Variants in UGT1A10 observed in about 807,000 individuals in gnomAD.
The protein encoded by UGT1A10 is UDP-glucuronosyltransferase 1A10.
A neutral mutation model predicts 45.8 loss-of-function variants in UGT1A10; 49 were observed. The ratio of observed to expected loss-of-function variants is 1.07; its 90% CI spans 0.85 to 1.36. UGT1A10 has a LOEUF of 1.36. Among genes scored for constraint, UGT1A10 ranks in the 40% most tolerant of loss-of-function variants. UGT1A10 has a pLI of 0.00. For missense variants in UGT1A10, 745 were observed against 668.6 expected (o/e 1.11, Z -1.26); for synonymous variants, 284 against 249.7 (o/e 1.14, Z -1.29).
intron 1 of UGT1A10, chr2:233,693,486 A>C: frequency 6.2e-7 from 1 of 1,614,088 alleles, no homozygotes; most frequent in Non-Finnish European, 8.5e-7. Flanking sequence ...ATCCTGGCTG[A>C]GTATTTGGGC....
chr2:233,762,332 G>A (rs1219389656), intron 1 of UGT1A10, among the ~76,000 whole-genome samples: 1 of 152,156 alleles, frequency 6.6e-6, no homozygotes, highest in Non-Finnish European at 1.5e-5. Flanking sequence ...ATCCACAATA[G>A]CTCTTTTTAG....
chr2:233,719,136 C>T (rs2076730014), intron 1 of UGT1A10: 26 of 1,614,246 alleles, frequency 1.6e-5, no homozygotes, highest in Non-Finnish European at 2.0e-5. Context: ...AACAGAACAT[C>T]TTCTGAAGAG....
chr2:233,647,464 T>C (rs768028814), intron 1 of UGT1A10, among the ~76,000 whole-genome samples: 1 of 152,248 alleles, frequency 6.6e-6, no homozygotes, highest in Admixed American at 6.5e-5. Context: ...ATTGGTATTA[T>C]TTCTTCCTTC....
intron 1 of UGT1A10, among the ~76,000 whole-genome samples, chr2:233,668,820 T>G (rs568469856): frequency 6.1e-4 from 93 of 152,262 alleles, no homozygotes; most frequent in Non-Finnish European, 9.8e-4. Flanking sequence ...GTCCTTGTTC[T>G]TTTCTGGGAT....
chr2:233,760,385 T>A (rs368348566), intron 1 of UGT1A10: 30 of 1,614,058 alleles, frequency 1.9e-5, no homozygotes, highest in Non-Finnish European at 2.5e-5. Flanking sequence ...ATACTGTTGA[T>A]CCCAGTGGAT....
In UGT1A10 at chr2:233,769,639, C is replaced by T; in HGVS notation, c.1295+1200C>T. 2.5e-6 allele frequency: 4 copies of T among 1,609,972 alleles called. No homozygotes were observed. The highest frequency in any genetic ancestry group is 1.3e-5 in the African/African-American group (1 of 75,022). The stretch of plus-strand genomic sequence containing the variant: ...TTGAGCAAGGGACAACAGGGGAGGA[C>T]TGATGACTGACTTCCCACCTTTGAG... On this transcript the variant is annotated intron_variant, in intron 4 of 4. Transcript: ENST00000344644. This position sits in a 1 kb window ranked among gnomAD's most constrained non-coding sequence, Gnocchi z 4.4.
intron 1 of UGT1A10, chr2:233,713,159 C>T (rs2076285726): frequency 1.9e-6 from 3 of 1,614,192 alleles, no homozygotes; most frequent in Middle Eastern, 1.7e-4. Flanking sequence ...CGAGAGGCCA[C>T]CAGGTGGTGG....
At chr2:233,720,301 T>C (rs1312639671) in intron 1 of UGT1A10, among the ~76,000 whole-genome samples, 1 of 151,768 alleles carries the variant, frequency 6.6e-6, no homozygotes, top group Non-Finnish European at 1.5e-5. Flanking sequence ...GAGTTGGGGG[T>C]CTGGTGTATG....
At chr2:233,677,389 C>T (rs545851604) in intron 1 of UGT1A10, among the ~76,000 whole-genome samples, 14 of 152,190 alleles carry the variant, frequency 9.2e-5, no homozygotes, top group Non-Finnish European at 1.3e-4. Context: ...GTAGAAAATC[C>T]GCATAGAACT....
At chr2:233,742,882 C>A (rs1692122938) in intron 1 of UGT1A10, 1 of 164,914 alleles carries the variant, frequency 6.1e-6, no homozygotes, top group Non-Finnish European at 1.3e-5. Flanking sequence ...ACCTGGCTCA[C>A]ACTTTCCCAA....
chr2:233,714,271 C>T (rs759852980), intron 1 of UGT1A10, among the ~76,000 whole-genome samples: 2 of 152,206 alleles, frequency 1.3e-5, no homozygotes, highest in African/African-American at 4.8e-5. Context: ...CAATTGTTGA[C>T]GTGACAATTT....
chr2:233,760,803 G>T lies in UGT1A10; in HGVS notation c.856-6231G>T, dbSNP rs748734877. 2.5e-6 allele frequency: 4 copies of T among 1,613,224 alleles called. No individual in the cohort carries two copies. The highest frequency in any genetic ancestry group is 3.3e-5 in the Admixed American group (2 of 59,970). ...TGTCTCTGCCCACTGTATTCTTCTT[G>T]CATGCACTGCCATGCAGCCTGGAAT... On this transcript the variant is annotated intron_variant, in intron 1 of 4. Transcript: ENST00000344644.
chr2:233,750,227 A>G (rs977533582), intron 1 of UGT1A10, among the ~76,000 whole-genome samples: 2 of 151,900 alleles, frequency 1.3e-5, no homozygotes, highest in African/African-American at 4.9e-5. Context: ...GAGATGAGGA[A>G]CTTATTGGGA....
chr2:233,757,265 C>T (rs1416331195), intron 1 of UGT1A10, among the ~76,000 whole-genome samples: 2 of 116,902 alleles, frequency 1.7e-5, no homozygotes, highest in Non-Finnish European at 3.3e-5. Flanking sequence ...AGGTGGCAGC[C>T]GATGCAATGA....
chr2:233,648,932 G>A (rs956408318), intron 1 of UGT1A10: 28 of 1,407,236 alleles, frequency 2.0e-5, no homozygotes, highest in African/African-American at 4.3e-5. Context: ...TGGTTGCTGC[G>A]AATGGACTTT....
chr2:233,714,075 C>T (rs575529005), intron 1 of UGT1A10, among the ~76,000 whole-genome samples: 10 of 151,962 alleles, frequency 6.6e-5, no homozygotes, highest in Non-Finnish European at 8.8e-5. Context: ...GAGGCAGGGA[C>T]GAGGATCTGT....
intron 1 of UGT1A10, chr2:233,729,672 TAAGGGCACACAGTGTCC>T (rs2077905850): frequency 6.2e-7 from 1 of 1,613,858 alleles, no homozygotes; most frequent in South Asian, 1.1e-5. Context: ...ATTTAGACTT[TAAGGGCACACAGTGTCC>T]AAACCCTTCC....
chr2:233,650,824 GA>G (rs749518463), intron 1 of UGT1A10, among the ~76,000 whole-genome samples: 5 of 152,118 alleles, frequency 3.3e-5, no homozygotes, highest in Non-Finnish European at 7.4e-5. Context: ...TTGGCACAAA[GA>G]AATTTGAAAT....
Position 233,760,648 on chromosome 2 carries a change from G to C in UGT1A10, c.856-6386G>C, listed in dbSNP as rs1697515818. The C allele has an allele frequency of 6.2e-7, 1 of 1,614,206 alleles. No homozygotes were observed. Among genetic ancestry groups the C allele is most frequent in the African/African-American group, 1.3e-5 (1 of 75,044 alleles). On this transcript the variant is annotated intron_variant, in intron 1 of 4. Coordinates refer to ENST00000344644, the MANE Select transcript of UGT1A10 (RefSeq NM_019075.4). ...ATACAAGAAAATAAAAAAGGACTCT[G>C]CTATGCTTTTGTCTGGCTGTTCCCA...
Sources: allele counts gnomAD v4.1 joint callset (sites outside exome capture counted in the v4.1 genomes callset), GRCh38; gene constraint gnomAD v4.1.1; non-coding constraint Gnocchi (gnomAD v3.1); transcripts MANE v1.5; gene names NCBI Gene and HGNC (gene_info 2026-07-23, HGNC 2026-07-21).